The following TMOD2 variants were observed in gnomAD, a reference collection of about 807,000 sequenced individuals.
The protein encoded by TMOD2 is tropomodulin 2.
In TMOD2, 22 loss-of-function variants were observed where a neutral mutation model predicts 39.9. That is an observed-to-expected ratio of 0.55 (90% confidence interval 0.39 to 0.79). The LOEUF (loss-of-function observed/expected upper bound fraction) is 0.79. Ranked by LOEUF, TMOD2 falls within the 30% of genes least tolerant of loss-of-function variation. TMOD2 has a pLI of 0.00. For missense variants in TMOD2, 386 were observed against 413.3 expected, an observed-to-expected ratio of 0.93 and a Z score of 0.57; for synonymous variants, 123 against 146.1, an observed-to-expected ratio of 0.84 and a Z score of 1.14.
intron 8 of TMOD2, among the ~76,000 whole-genome samples, chr15:51,803,533 A>G (rs1331173698): frequency 6.6e-6 from 1 of 152,196 alleles, no homozygotes; most frequent in Non-Finnish European, 1.5e-5. Flanking sequence ...AGATTTAAAC[A>G]TTAAAATATA....
At chr15:51,808,067 A>G (rs1216657496) in intron 9 of TMOD2, among the ~76,000 whole-genome samples, 1 of 152,168 alleles carries the variant, frequency 6.6e-6, no homozygotes, top group African/African-American at 2.4e-5. Flanking sequence ...TAACCTGAAG[A>G]GTTAGTTAAA....
chr15:51,804,832 A>T (rs974864026), intron 8 of TMOD2, among the ~76,000 whole-genome samples: 3 of 152,014 alleles, frequency 2.0e-5, no homozygotes, highest in African/African-American at 4.8e-5. Context: ...CAGCCTTCCA[A>T]AGTGCTGGGA....
At chr15:51,754,717 A>G (rs1353312185) in intron 1 of TMOD2, among the ~76,000 whole-genome samples, 1 of 152,252 alleles carries the variant, frequency 6.6e-6, no homozygotes, top group Non-Finnish European at 1.5e-5. Flanking sequence ...TGTGGAAAAC[A>G]CTAAACAAAG....
intron 1 of TMOD2, among the ~76,000 whole-genome samples, chr15:51,754,758 A>G (rs536648754): frequency 1.3e-5 from 2 of 152,216 alleles, no homozygotes; most frequent in Non-Finnish European, 2.9e-5. Context: ...TTGACTTTTC[A>G]GAGCCTTTCA....
At chr15:51,758,583 G>T (rs1310990361) in intron 1 of TMOD2, among the ~76,000 whole-genome samples, 1 of 152,230 alleles carries the variant, frequency 6.6e-6, no homozygotes, top group Non-Finnish European at 1.5e-5. Flanking sequence ...CAAGAACTGT[G>T]CTGGGAGTCA....
intron 8 of TMOD2, among the ~76,000 whole-genome samples, chr15:51,804,734 A>C (rs1399081939): frequency 6.6e-6 from 1 of 151,668 alleles, no homozygotes; most frequent in African/African-American, 2.4e-5. Context: ...CACCGCACCC[A>C]GCTAGTTTTT....
intron 4 of TMOD2, among the ~76,000 whole-genome samples, chr15:51,775,364 G>A (rs1159290388): frequency 6.6e-6 from 1 of 152,046 alleles, no homozygotes; most frequent in Non-Finnish European, 1.5e-5. Flanking sequence ...GCAAAGTGGT[G>A]GGAACTGATC....
Position 51,757,881 on chromosome 15 carries a change from G to A in TMOD2, c.-70+6169G>A, listed in dbSNP as rs536443531. ...TTTTTAAAAATACAGCCTGGGCAATGTAGCGAGACCCTGTCTCTACAAAAA... is the reference window on the plus strand; with the variant it reads ...TTTTTAAAAATACAGCCTGGGCAATATAGCGAGACCCTGTCTCTACAAAAA... On this transcript the variant is annotated intron_variant, in intron 1 of 9. Coordinates refer to ENST00000249700, the MANE Select transcript of TMOD2 (RefSeq NM_014548.4). 1.1e-4 allele frequency among the ~76,000 whole-genome samples: 16 copies of A among 152,292 alleles called. No individual in the cohort carries two copies. In the South Asian group the frequency reaches 3.1e-3, roughly 30 times the overall value.
intron 1 of TMOD2, 90 bp from the exon 2 acceptor site, chr15:51,766,283 C>A: frequency 1.7e-6 from 1 of 594,090 alleles, no homozygotes. Flanking sequence ...ATACAGTAGG[C>A]TCCATTGGAG....
At chr15:51,759,199 GT>G (rs35352894) in intron 1 of TMOD2, among the ~76,000 whole-genome samples, 61,385 of 151,826 alleles carry the variant, frequency 0.4, 12,547 homozygotes, top group Middle Eastern at 0.45. Context: ...GAGAGAAGAT[GT>G]TAAGGATGGC....
At chr15:51,767,716 A>G (rs2055825311) in intron 2 of TMOD2, among the ~76,000 whole-genome samples, 1 of 152,244 alleles carries the variant, frequency 6.6e-6, no homozygotes, top group African/African-American at 2.4e-5. Context: ...TGTATATGGT[A>G]TTCTGATATG....
chr15:51,761,828 T>C (rs2055782894), intron 1 of TMOD2, among the ~76,000 whole-genome samples: 1 of 151,668 alleles, frequency 6.6e-6, no homozygotes, highest in Non-Finnish European at 1.5e-5. Context: ...AGGCTGGCAA[T>C]CAAAATATAA....
At chr15:51,761,202 G>A (rs765286132) in intron 1 of TMOD2, among the ~76,000 whole-genome samples, 23 of 152,126 alleles carry the variant, frequency 1.5e-4, no homozygotes, top group Non-Finnish European at 2.6e-4. Flanking sequence ...AGTAGTGCAG[G>A]TATGAAGGAA....
At chr15:51,771,863 T>G (rs1567237727) in intron 3 of TMOD2, among the ~76,000 whole-genome samples, 1 of 152,172 alleles carries the variant, frequency 6.6e-6, no homozygotes. Context: ...TGTTTCCCAG[T>G]GTATTTTCCT....
intron 3 of TMOD2, 145 bp from the exon 4 acceptor site, chr15:51,773,567 C>G: frequency 1.5e-6 from 1 of 687,446 alleles, no homozygotes; most frequent in Non-Finnish European, 2.3e-6. Flanking sequence ...TTGGTACCAT[C>G]CTGGCAATCC....
intron 7 of TMOD2, chr15:51,784,680 A>G (rs1477669318): frequency 6.6e-6 from 1 of 152,250 alleles, no homozygotes; most frequent in African/African-American, 2.4e-5. Flanking sequence ...GCAGAACTAG[A>G]TAATTGGTAA....
At chr15:51,754,454 A>C (rs2055728594) in intron 1 of TMOD2, among the ~76,000 whole-genome samples, 1 of 152,186 alleles carries the variant, frequency 6.6e-6, no homozygotes, top group Non-Finnish European at 1.5e-5. Context: ...TGCAGAAGAG[A>C]CTTCCTGTTA....
At chr15:51,760,906 A>G (rs2055776311) in intron 1 of TMOD2, among the ~76,000 whole-genome samples, 1 of 152,192 alleles carries the variant, frequency 6.6e-6, no homozygotes, top group African/African-American at 2.4e-5. Flanking sequence ...AGGAGGACGT[A>G]TTTAGGTGGC....
At chr15:51,775,570 C>CTTTTTTTTTTTTTTTTTTTTTT (rs869308022) in intron 4 of TMOD2, among the ~76,000 whole-genome samples, 2 of 81,210 alleles carry the variant, frequency 2.5e-5, no homozygotes, top group Non-Finnish European at 4.3e-5. Context: ...ATTCTTTTTC[C>CTTTTTTTTTTTTTTTTTTTTTT]TTTTTTTTTT....
Sources: gnomAD v4.1 joint callset for allele counts (sites outside exome capture counted in the v4.1 genomes callset) on GRCh38, gnomAD v4.1.1 for gene constraint, MANE v1.5 for transcripts, NCBI Gene and HGNC (gene_info 2026-07-23, HGNC 2026-07-21) for gene names.